The following STK35 variants were observed in gnomAD, a reference collection of about 807,000 sequenced individuals.
The protein encoded by STK35 is serine/threonine-protein kinase 35.
A neutral mutation model predicts 37.3 loss-of-function variants in STK35; 17 were observed. The ratio of observed to expected loss-of-function variants is 0.46; its 90% CI spans 0.31 to 0.68. STK35 has a LOEUF of 0.68. Among genes scored for constraint, STK35 ranks in the 30% least tolerant of loss-of-function variants. The probability of loss-of-function intolerance (pLI) is 0.05; values close to 1 mark genes in which losing one functional copy is unlikely to be tolerated. For missense variants in STK35, 595 were observed against 746.7 expected, an observed-to-expected ratio of 0.80 and a Z score of 2.37; for synonymous variants, 385 against 319.1, an observed-to-expected ratio of 1.21 and a Z score of -2.20.
intron 2 of STK35, among the ~76,000 whole-genome samples, chr20:2,106,264 G>T (rs1985513408): frequency 6.6e-6 from 1 of 152,168 alleles, no homozygotes; most frequent in African/African-American, 2.4e-5. Flanking sequence ...GAATCGTAGA[G>T]ATAACCTGGT....
At chr20:2,114,352 G>A (rs1985675370) in intron 2 of STK35, among the ~76,000 whole-genome samples, 1 of 152,072 alleles carries the variant, frequency 6.6e-6, no homozygotes, top group Non-Finnish European at 1.5e-5. Flanking sequence ...GCCAAGGCGG[G>A]AGGACCACTT....
intron 1 of STK35, 84 bp downstream of exon 1, chr20:2,102,259 G>A (rs1362655814): frequency 2.9e-6 from 4 of 1,375,562 alleles, no homozygotes; most frequent in African/African-American, 3.1e-5. Flanking sequence ...GGGAAATCGG[G>A]TCCTCGGCCA....
intron 3 of STK35, among the ~76,000 whole-genome samples, chr20:2,138,149 G>C (rs6082092): frequency 2.6e-5 from 4 of 152,188 alleles, no homozygotes. Flanking sequence ...GGTGAATTTA[G>C]GTAGGAGTGA....
chr20:2,122,102 TA>T (rs1457228006), intron 3 of STK35, among the ~76,000 whole-genome samples: 1 of 152,188 alleles, frequency 6.6e-6, no homozygotes, highest in Non-Finnish European at 1.5e-5. Flanking sequence ...GGAAGCCAAG[TA>T]GGGGCAGATT....
intron 3 of STK35, among the ~76,000 whole-genome samples, chr20:2,134,395 T>G (rs1011062861): frequency 1.3e-5 from 2 of 152,132 alleles, no homozygotes; most frequent in Non-Finnish European, 2.9e-5. Context: ...CCAAACACTC[T>G]TTGGCCTGAT....
intron 2 of STK35, among the ~76,000 whole-genome samples, chr20:2,103,750 C>G (rs955096173): frequency 2.6e-5 from 4 of 152,170 alleles, no homozygotes; most frequent in African/African-American, 9.7e-5. Flanking sequence ...GGGCCTCTCT[C>G]TTTCCCTCCC....
At chr20:2,138,467 T>A (rs1478916866) in intron 3 of STK35, among the ~76,000 whole-genome samples, 2 of 152,184 alleles carry the variant, frequency 1.3e-5, no homozygotes, top group Admixed American at 1.3e-4. Flanking sequence ...AAGAGTTCCA[T>A]GCCCATTTTC....
Position 2,102,970 on chromosome 20 carries a change from C to G in STK35, c.497C>G (p.Pro166Arg), listed in dbSNP as rs781004864. 18 of 1,424,066 alleles carry G rather than the reference C, an allele frequency of 1.3e-5. No homozygotes were observed. Among genetic ancestry groups the G allele is most frequent in the Non-Finnish European group, 9.1e-7 (1 of 1,095,016 alleles). The allele number at this position is 1,424,066 out of a possible 1,614,324, so 88.2% of individuals were successfully genotyped here. A position where few individuals can be genotyped will look rare whatever the true frequency, so the allele number is the denominator to read the frequency against. The part of the protein sequence containing the change: ...VPRAPSTKLR[P>R]AAAARAMDPV... ...CGGGCGCCCAGCACGAAGCTGAGGC[C>G]GGCGGCGGCGGCCCGGGCCATGGAT... Residue 166 changes from proline to arginine, a missense_variant, in exon 2 of 4, where the codon CCG becomes CGG. Physicochemically the swap from Pro to Arg is moderately radical, Grantham distance 103. Transcript: ENST00000381482.
chr20:2,117,287 T>C lies in STK35; in HGVS notation c.1514T>C (p.Leu505Pro). The change falls in exon 3 of 4, where the codon CTC becomes CCC. Residue 505 changes from leucine (L) to proline (P), a missense_variant. This residue lies in a region of STK35 where 109 missense variants were observed against 280.3 expected (regional missense o/e 0.39). Transcript: ENST00000381482. This position sits in a 1 kb window ranked among gnomAD's most constrained non-coding sequence, Gnocchi z 4.4. Reference protein sequence around the residue: ...RTSMSEGIKQLLKDMLAANPQ... With the variant: ...RTSMSEGIKQPLKDMLAANPQ... ...TCCATGTCTGAGGGGATCAAGCAGCTCTTGAAAGATATGTTAGCTGCTAAC... is the reference window on the plus strand; with the variant it reads ...TCCATGTCTGAGGGGATCAAGCAGCCCTTGAAAGATATGTTAGCTGCTAAC... The C allele has an allele frequency of 1.2e-6, 2 of 1,614,138 alleles. No individual in the cohort carries two copies. Among genetic ancestry groups the C allele is most frequent in the Non-Finnish European group, 1.7e-6 (2 of 1,180,034 alleles).
chr20:2,102,029 G>C lies in STK35; in HGVS notation c.148G>C (p.Ala50Pro), dbSNP rs1293416448. 6.5e-7 allele frequency: 1 copy of C among 1,527,620 alleles called. No individual in the cohort carries two copies. The highest frequency in any genetic ancestry group is 8.7e-7 in the Non-Finnish European group (1 of 1,143,110). 94.6% of individuals were successfully genotyped at this position (1,527,620 alleles called of 1,614,324 possible). The stretch of plus-strand genomic sequence containing the variant: ...GGCTTCCCCAGCGAGCGCCGCGGCA[G>C]CAGAAGGATCCGCTACACGCCGGGC... ...AQASPASAAA[A>P]EGSATRRARA... Residue 50 changes from alanine to proline, a missense_variant, in exon 1 of 4, where the codon GCA becomes CCA. Around this residue, in one of 3 missense-constraint regions of STK35, gnomAD observed 389 missense variants for 320.0 expected, o/e 1.22. Transcript: ENST00000381482.
chr20:2,131,435 G>C (rs1331610891), intron 3 of STK35, among the ~76,000 whole-genome samples: 1 of 152,044 alleles, frequency 6.6e-6, no homozygotes, highest in African/African-American at 2.4e-5. Context: ...GCCACAGAGG[G>C]AGACCCCCAT....
At chr20:2,116,598 C>A in intron 2 of STK35, 68 bp from the exon 3 acceptor site, 2 of 1,498,536 alleles carry the variant, frequency 1.3e-6, no homozygotes, top group Non-Finnish European at 1.8e-6. Flanking sequence ...TACACTGCAT[C>A]CTTTAGTTAA....
intron 1 of STK35, among the ~76,000 whole-genome samples, chr20:2,102,427 G>C (rs1010853331): frequency 1.3e-5 from 2 of 152,164 alleles, no homozygotes; most frequent in African/African-American, 2.4e-5. Flanking sequence ...GTCACAGAGG[G>C]GGCCAAGCAA....
Position 2,145,037 on chromosome 20 carries a change from A to G in STK35, c.*1291A>G, listed in dbSNP as rs1312611396. On this transcript the variant is annotated 3_prime_UTR_variant, in exon 4 of 4. Coordinates refer to ENST00000381482, the MANE Select transcript of STK35 (RefSeq NM_080836.4). Reference sequence around the variant, plus strand: ...AGACCCCCTGCAGCGTTAGGGGCCCATTTGTGGGCTCGCCACCTTCAGGCT... The same window carrying G: ...AGACCCCCTGCAGCGTTAGGGGCCCGTTTGTGGGCTCGCCACCTTCAGGCT... 2 of 152,254 alleles carry G rather than the reference A, an allele frequency of 1.3e-5. No homozygotes were observed. The highest frequency in any genetic ancestry group is 4.8e-5 in the African/African-American group (2 of 41,436). The allele number at this position is 152,254 out of a possible 1,614,324, so 9.4% of individuals were successfully genotyped here. A position where few individuals can be genotyped will look rare whatever the true frequency, so the allele number is the denominator to read the frequency against.
In STK35 at chr20:2,120,629, C is replaced by G. The variant is rs79883478; in HGVS notation, c.*37+3214C>G. Among the ~76,000 whole-genome samples the G allele has an allele frequency of 3.6e-3, 547 of 152,310 alleles. 2 individuals are homozygous for G. The highest frequency in any genetic ancestry group is 0.012 in the African/African-American group (517 of 41,552). On this transcript the variant is annotated intron_variant, in intron 3 of 3. Coordinates refer to ENST00000381482, the MANE Select transcript of STK35 (RefSeq NM_080836.4). Reference sequence around the variant, plus strand: ...TTGGGAAGAACATTGAGTCTGACCTCCCTTTCCCCTGCCAAGTTTTGTAGA... The same window carrying G: ...TTGGGAAGAACATTGAGTCTGACCTGCCTTTCCCCTGCCAAGTTTTGTAGA...
chr20:2,139,471 ACT>A lies in STK35; in HGVS notation c.*38-4310_*38-4309del, dbSNP rs562337485. On this transcript the variant is annotated intron_variant, in intron 3 of 3. Coordinates refer to ENST00000381482, the MANE Select transcript of STK35 (RefSeq NM_080836.4). ...AGATGGGTTTTAAACTCCACTTAAG[ACT>A]CTTCTTGTCTTCTCTAGGAAGGGAT... Among the ~76,000 whole-genome samples, 54 of 151,942 alleles carry A rather than the reference ACT, an allele frequency of 3.6e-4. 1 individual carries two copies. Among genetic ancestry groups the A allele is most frequent in the Middle Eastern group, 3.4e-3 (1 of 294 alleles).
At chr20:2,133,503 G>A (rs1238440109) in intron 3 of STK35, among the ~76,000 whole-genome samples, 3 of 152,254 alleles carry the variant, frequency 2.0e-5, no homozygotes, top group East Asian at 3.8e-4. Context: ...CTTAGTTGGT[G>A]TTGGGTTTCA....
chr20:2,120,800 G>T (rs1412441713), intron 3 of STK35, among the ~76,000 whole-genome samples: 1 of 152,198 alleles, frequency 6.6e-6, no homozygotes, highest in Non-Finnish European at 1.5e-5. Context: ...TGGGAAGACA[G>T]TACCCATAGG....
rs750407213 is a variant in STK35 at position 2,116,988 on chromosome 20, G to T, written c.1215G>T (p.Val405=). Residue 405 remains valine (V), a synonymous_variant, in exon 3 of 4, where the codon GTG becomes GTT. Coordinates refer to ENST00000381482, the MANE Select transcript of STK35 (RefSeq NM_080836.4). ...GKEGNQDNKN[V]NVNKYWLSSA... Reference sequence around the variant, plus strand: ...AGGGCAATCAAGACAACAAAAATGTGAATGTGAATAAGTACTGGCTGTCCT... The same window carrying T: ...AGGGCAATCAAGACAACAAAAATGTTAATGTGAATAAGTACTGGCTGTCCT... 1 of 1,614,168 alleles carries T rather than the reference G, an allele frequency of 6.2e-7. No individual in the cohort carries two copies. Among genetic ancestry groups the T allele is most frequent in the Admixed American group, 1.7e-5 (1 of 60,030 alleles).
Sources: gnomAD v4.1 joint callset for allele counts (sites outside exome capture counted in the v4.1 genomes callset) on GRCh38, gnomAD v4.1.1 for gene constraint, gnomAD v4.1.1 regional missense constraint, Gnocchi (gnomAD v3.1) non-coding constraint, MANE v1.5 for transcripts, NCBI Gene and HGNC (gene_info 2026-07-23, HGNC 2026-07-21) for gene names.